The following ATAD3B variants were observed in gnomAD, a reference collection of about 807,000 sequenced individuals.
ATAD3B encodes ATPase family AAA domain-containing protein 3B.
ATAD3B carries 59 observed loss-of-function variants against 70.2 expected under a neutral mutation model. That is an observed-to-expected ratio of 0.84 (90% CI 0.68 to 1.04). The LOEUF (loss-of-function observed/expected upper bound fraction) is 1.04, where lower values mean the gene tolerates loss of function less well. ATAD3B is among the 50% of genes least tolerant of loss of function. The probability of loss-of-function intolerance (pLI) is 0.00; values close to 1 mark genes in which losing one functional copy is unlikely to be tolerated. For synonymous variants in ATAD3B, 423 were observed against 388.6 expected, an observed-to-expected ratio of 1.09 and a Z score of -1.04; for missense variants, 961 against 913.4, an observed-to-expected ratio of 1.05 and a Z score of -0.67.
chr1:1,505,270 G>A, the ATAD3B span, among the ~76,000 whole-genome samples: 4 of 152,208 alleles, frequency 2.6e-5, 1 homozygote, highest in African/African-American at 9.6e-5. Context: ...AGGGAGGGAG[G>A]GAGAGAGAGA....
intron 1 of ATAD3B, 99 bp downstream of exon 1, chr1:1,472,188 A>G (rs1250589552): frequency 7.8e-5 from 108 of 1,378,348 alleles, no homozygotes; most frequent in South Asian, 1.4e-5. Flanking sequence ...GTCGGCAGCC[A>G]CTTCCCGGGC....
intron 5 of ATAD3B, among the ~76,000 whole-genome samples, chr1:1,481,840 CG>C (rs1639918765): frequency 6.6e-6 from 1 of 152,138 alleles, no homozygotes; most frequent in Non-Finnish European, 1.5e-5. Flanking sequence ...GTCTGTGGCA[CG>C]GGCCTGTCCA....
At chr1:1,474,401 A>G (rs1639488678) in intron 1 of ATAD3B, among the ~76,000 whole-genome samples, 1 of 150,840 alleles carries the variant, frequency 6.6e-6, no homozygotes, top group Non-Finnish European at 1.5e-5. Context: ...CATGTTAGCC[A>G]GAATGGTCTC....
the ATAD3B span, among the ~76,000 whole-genome samples, chr1:1,504,911 C>T: frequency 6.6e-6 from 1 of 151,696 alleles, no homozygotes; most frequent in African/African-American, 2.4e-5. Flanking sequence ...CCAGTGCCAA[C>T]TTTGTCCTTC....
intron 10 of ATAD3B, 37 bp downstream of exon 10, chr1:1,486,272 G>C (rs185006588): frequency 1.2e-6 from 2 of 1,611,784 alleles, no homozygotes; most frequent in Non-Finnish European, 1.7e-6. Context: ...GCCAGGGGCC[G>C]CTGGGGTCTC....
downstream of ATAD3B, among the ~76,000 whole-genome samples, chr1:1,502,347 T>A (rs1376595774): frequency 2.6e-5 from 4 of 151,258 alleles, no homozygotes; most frequent in African/African-American, 9.7e-5. Flanking sequence ...CCTTAGTAGC[T>A]GGGACTACAG....
At chr1:1,504,415 C>T in the ATAD3B span, among the ~76,000 whole-genome samples, 97 of 151,766 alleles carry the variant, frequency 6.4e-4, no homozygotes, top group African/African-American at 2.2e-3. Flanking sequence ...TTTGGGAGGC[C>T]GAGGTGGGCG....
rs1371040552 is a variant in ATAD3B, at chr1:1,489,213, A to AG, written c.1277dup (p.Ser426ArgfsTer32). On this transcript the variant is annotated frameshift_variant, in exon 13 of 16. Transcript: ENST00000673477. LOFTEE classifies it high-confidence loss of function. ...AACCTTCTCTCTGCAGGAGGAGATA[A>AG]GCAAGGACCTCAGAGCCACACTGAA... 6.2e-7 allele frequency: 1 copy of AG among 1,613,548 alleles called. No homozygotes were observed. Among genetic ancestry groups the AG allele is most frequent in the Non-Finnish European group, 8.5e-7 (1 of 1,179,622 alleles).
At chr1:1,472,340 G>C (rs1277760867) in intron 1 of ATAD3B, among the ~76,000 whole-genome samples, 1 of 151,946 alleles carries the variant, frequency 6.6e-6, no homozygotes, top group African/African-American at 2.4e-5. Flanking sequence ...GCGCTCATAG[G>C]TTACAGGGGT....
At chr1:1,485,675 T>A in intron 8 of ATAD3B, 107 bp from the exon 9 acceptor site, 1 of 1,529,990 alleles carries the variant, frequency 6.5e-7, no homozygotes, top group Admixed American at 1.9e-5. Context: ...CTGGCTGTGC[T>A]TTGGGGCAGC....
At chr1:1,476,222 C>T (rs1167669092) in intron 1 of ATAD3B, among the ~76,000 whole-genome samples, 4 of 148,198 alleles carry the variant, frequency 2.7e-5, no homozygotes, top group South Asian at 2.2e-4. Context: ...CAGCCCAGTT[C>T]GTGCCTAACC....
chr1:1,491,254 G>A (rs1640526403), intron 15 of ATAD3B, among the ~76,000 whole-genome samples: 1 of 152,060 alleles, frequency 6.6e-6, no homozygotes, highest in Admixed American at 6.6e-5. Flanking sequence ...GCTCTGATCA[G>A]GCCGGGCGCG....
intron 7 of ATAD3B, chr1:1,484,548 G>C (rs1351851875): frequency 6.3e-6 from 1 of 158,302 alleles, no homozygotes; most frequent in Non-Finnish European, 1.4e-5. Context: ...GGCTGGTCTT[G>C]AACTCCAACC....
chr1:1,482,003 C>A, intron 5 of ATAD3B, 135 bp from the exon 6 acceptor site: 7 of 1,409,214 alleles, frequency 5.0e-6, no homozygotes, highest in Non-Finnish European at 5.7e-6. Flanking sequence ...TGGGCCGGTC[C>A]GTGGCATGGG....
chr1:1,490,041 G>C (rs1176471951), intron 13 of ATAD3B: 1 of 1,397,568 alleles, frequency 7.2e-7, no homozygotes, highest in Non-Finnish European at 9.3e-7. Context: ...CAAGAACAGA[G>C]GCCCGAGAAG....
intron 12 of ATAD3B, among the ~76,000 whole-genome samples, chr1:1,488,972 A>G (rs972970975): frequency 6.6e-6 from 1 of 151,852 alleles, no homozygotes; most frequent in Non-Finnish European, 1.5e-5. Context: ...CATGTTGGCC[A>G]GGCTGGTCTC....
chr1:1,499,956 G>A (rs1479290590), downstream of ATAD3B, among the ~76,000 whole-genome samples: 1 of 147,762 alleles, frequency 6.8e-6, no homozygotes, highest in East Asian at 2.0e-4. Context: ...GTCGTCCAGT[G>A]GCACGATCTT....
At position 1,495,861 on chromosome 1, in the gene ATAD3B, C is replaced by G. The variant is rs775785353; in HGVS notation, c.*44C>G. On this transcript the variant is annotated 3_prime_UTR_variant, in exon 16 of 16. Coordinates refer to ENST00000673477, the MANE Select transcript of ATAD3B (RefSeq NM_031921.6). ...CAGGCCTCCTTCCTGCCCCTCGAGA[C>G]ACTCTTGGGAGATGCATTTTCCGTC... 2.0e-6 allele frequency: 3 copies of G among 1,506,358 alleles called. No individual in the cohort carries two copies. The highest frequency in any genetic ancestry group is 2.6e-6 in the Non-Finnish European group (3 of 1,132,214). The allele number at this position is 1,506,358 out of a possible 1,614,324, so 93.3% of individuals were successfully genotyped here.
chr1:1,490,277 G>T lies in ATAD3B; in HGVS notation c.1358G>T (p.Ser453Ile). ...TACAGATTCATGCTGGTCCTGGCCAGCAATCTGCCTGAGCAGTTCGACTGT... is the reference window on the plus strand; with the variant it reads ...TACAGATTCATGCTGGTCCTGGCCATCAATCTGCCTGAGCAGTTCGACTGT... ...HSNKFMLVLASNLPEQFDCAI... is the reference protein window; with the variant it reads ...HSNKFMLVLAINLPEQFDCAI... The change falls in exon 14 of 16, where the codon AGC becomes ATC. Residue 453 changes from serine (S) to isoleucine (I), a missense_variant. Around this residue, in one of 4 missense-constraint regions of ATAD3B, gnomAD observed 417 missense variants for 335.0 expected, o/e 1.24. Coordinates refer to ENST00000673477, the MANE Select transcript of ATAD3B (RefSeq NM_031921.6). 1 of 1,612,926 alleles carries T rather than the reference G, an allele frequency of 6.2e-7. No individual in the cohort carries two copies. Among genetic ancestry groups the T allele is most frequent in the Non-Finnish European group, 8.5e-7 (1 of 1,179,560 alleles).
Sources: gnomAD v4.1 joint callset for allele counts (sites outside exome capture counted in the v4.1 genomes callset) on GRCh38, gnomAD v4.1.1 for gene constraint, gnomAD v4.1.1 regional missense constraint, MANE v1.5 for transcripts, NCBI Gene and HGNC (gene_info 2026-07-23, HGNC 2026-07-21) for gene names.